The following KCNK2 variants were observed in gnomAD, a reference collection of about 807,000 sequenced individuals.
KCNK2 encodes potassium channel subfamily K member 2.
In KCNK2, 21 loss-of-function variants were observed where a neutral mutation model predicts 40.5. The ratio of observed to expected loss-of-function variants is 0.52; its 90% CI spans 0.37 to 0.75. The LOEUF (loss-of-function observed/expected upper bound fraction) is 0.75, where lower values mean the gene tolerates loss of function less well. Among genes scored for constraint, KCNK2 ranks in the 30% least tolerant of loss-of-function variants. The pLI is 0.00. For synonymous variants in KCNK2, 191 were observed against 202.2 expected, an observed-to-expected ratio of 0.94 and a Z score of 0.47; for missense variants, 399 against 531.6, an observed-to-expected ratio of 0.75 and a Z score of 2.45.
chr1:215,090,771 G>A lies in KCNK2; in HGVS notation c.357+4093G>A, dbSNP rs116140767. ...CCCCACTCCTTCTTGAGCTAGGTTG[G>A]GAAGATATTCTATCTGTTTTGTGGT... On this transcript the variant is annotated intron_variant, in intron 2 of 6. Coordinates refer to ENST00000444842, the MANE Select transcript of KCNK2 (RefSeq NM_001017425.3). Among the ~76,000 whole-genome samples, 1,115 of 152,216 alleles carry A rather than the reference G, an allele frequency of 7.3e-3. 14 individuals are homozygous for A. Among genetic ancestry groups the A allele is most frequent in the African/African-American group, 0.026 (1,063 of 41,530 alleles).
chr1:215,138,629 G>A (rs545835195), intron 3 of KCNK2, among the ~76,000 whole-genome samples: 3 of 152,194 alleles, frequency 2.0e-5, no homozygotes, highest in South Asian at 4.2e-4. Context: ...TGGCTACAGT[G>A]AGCCATAATC....
chr1:215,152,278 A>AC (rs1662718889), intron 3 of KCNK2, among the ~76,000 whole-genome samples: 1 of 152,118 alleles, frequency 6.6e-6, no homozygotes, highest in African/African-American at 2.4e-5. Context: ...GGAGGTAGAG[A>AC]AAATGAGACA....
At chr1:215,125,442 T>C (rs1661374429) in intron 3 of KCNK2, among the ~76,000 whole-genome samples, 2 of 152,088 alleles carry the variant, frequency 1.3e-5, no homozygotes, top group East Asian at 1.9e-4. Context: ...AATGGGTACA[T>C]GTAAATGTCC....
chr1:215,196,807 C>G (rs902457787), intron 6 of KCNK2, among the ~76,000 whole-genome samples: 1 of 151,916 alleles, frequency 6.6e-6, no homozygotes, highest in Non-Finnish European at 1.5e-5. Flanking sequence ...GAAATTGTAG[C>G]TAGGGAATGT....
intron 1 of KCNK2, among the ~76,000 whole-genome samples, chr1:215,076,463 A>T (rs1658931005): frequency 6.6e-6 from 1 of 151,828 alleles, no homozygotes; most frequent in East Asian, 1.9e-4. Context: ...CTGGAGAAGG[A>T]CCTGCTTTCA....
At chr1:215,061,994 A>G (rs1658377597) in intron 1 of KCNK2, among the ~76,000 whole-genome samples, 1 of 152,182 alleles carries the variant, frequency 6.6e-6, no homozygotes, top group African/African-American at 2.4e-5. Flanking sequence ...TCTAAATTCT[A>G]AAAATTATTA....
At chr1:215,189,594 A>G (rs1001774592) in intron 5 of KCNK2, among the ~76,000 whole-genome samples, 1 of 152,198 alleles carries the variant, frequency 6.6e-6, no homozygotes, top group Non-Finnish European at 1.5e-5. Flanking sequence ...ATCCCCAAAT[A>G]TAAGTTCAAA....
At chr1:215,065,480 C>T (rs1005712740) in intron 1 of KCNK2, among the ~76,000 whole-genome samples, 3 of 152,044 alleles carry the variant, frequency 2.0e-5, no homozygotes, top group Non-Finnish European at 4.4e-5. Context: ...TTTATTGGAG[C>T]ATTTAGGACC....
intron 3 of KCNK2, among the ~76,000 whole-genome samples, chr1:215,129,021 C>T (rs1474208323): frequency 6.6e-6 from 1 of 152,068 alleles, no homozygotes; most frequent in Non-Finnish European, 1.5e-5. Flanking sequence ...ATTGCAGTGA[C>T]CCAGGGAAGG....
intron 1 of KCNK2, among the ~76,000 whole-genome samples, chr1:215,085,088 C>T (rs1365575713): frequency 6.6e-6 from 1 of 152,220 alleles, no homozygotes; most frequent in Admixed American, 6.5e-5. Flanking sequence ...TTATTAGCTT[C>T]TCATACTGAA....
At chr1:215,200,742 G>A (rs928475372) in intron 6 of KCNK2, among the ~76,000 whole-genome samples, 1 of 152,066 alleles carries the variant, frequency 6.6e-6, no homozygotes, top group Non-Finnish European at 1.5e-5. Context: ...ACATATTTGG[G>A]GGATAAAAGG....
chr1:215,150,100 A>G (rs183990218), intron 3 of KCNK2, among the ~76,000 whole-genome samples: 5 of 152,326 alleles, frequency 3.3e-5, no homozygotes, highest in African/African-American at 1.2e-4. Context: ...CCCTGCATGC[A>G]GGAGGGGTTC....
At chr1:215,116,336 T>A (rs1027392385) in intron 2 of KCNK2, among the ~76,000 whole-genome samples, 47 of 152,060 alleles carry the variant, frequency 3.1e-4, no homozygotes, top group Non-Finnish European at 1.6e-4. Flanking sequence ...ATTTTTTTTC[T>A]TTAGTATTAT....
At position 215,086,370 on chromosome 1, in the gene KCNK2, G is replaced by A; in HGVS notation, c.49G>A (p.Ala17Thr). ...RERPGYRAGV[A>T]APDLLDPKSA... ...CCCTCATTCTCTGTTGTTGTCAGTG[G>A]CGGCACCTGACTTGCTGGATCCTAA... The change falls in exon 2 of 7, where the codon GCG (alanine) becomes ACG (threonine). Residue 17 changes from alanine to threonine, a missense_variant and splice_region_variant. Around this residue, in one of 3 missense-constraint regions of KCNK2, gnomAD observed 279 missense variants for 353.8 expected, o/e 0.79. Transcript: ENST00000444842. 1 of 1,613,294 alleles carries A rather than the reference G, an allele frequency of 6.2e-7. No individual in the cohort carries two copies. Among genetic ancestry groups the A allele is most frequent in the Non-Finnish European group, 8.5e-7 (1 of 1,179,474 alleles).
intron 1 of KCNK2, among the ~76,000 whole-genome samples, chr1:215,076,081 C>T (rs768366820): frequency 1.3e-5 from 2 of 152,182 alleles, no homozygotes; most frequent in Non-Finnish European, 2.9e-5. Context: ...TTTACCTCTT[C>T]GCTCCCTTTT....
chr1:215,185,612 A>G (rs1664402411), intron 5 of KCNK2, among the ~76,000 whole-genome samples: 1 of 152,200 alleles, frequency 6.6e-6, no homozygotes, highest in Non-Finnish European at 1.5e-5. Flanking sequence ...GGAAATATCA[A>G]TTATTTACTG....
intron 6 of KCNK2, among the ~76,000 whole-genome samples, chr1:215,201,072 T>C (rs1339699980): frequency 2.6e-5 from 4 of 152,096 alleles, no homozygotes; most frequent in Admixed American, 2.6e-4. Context: ...AGTTAGTCAA[T>C]AGTGGAGGTA....
chr1:215,169,103 G>T, intron 3 of KCNK2, 96 bp from the exon 4 acceptor site: 1 of 858,666 alleles, frequency 1.2e-6, no homozygotes, highest in South Asian at 2.0e-5. Flanking sequence ...ATCAATTATT[G>T]ATATCTTGCA....
intron 1 of KCNK2, among the ~76,000 whole-genome samples, chr1:215,038,977 T>A (rs1657475497): frequency 6.6e-6 from 1 of 151,902 alleles, no homozygotes; most frequent in Non-Finnish European, 1.5e-5. Context: ...GAAGCAATTA[T>A]GCTATGAAAA....
Sources: allele counts gnomAD v4.1 joint callset (sites outside exome capture counted in the v4.1 genomes callset), GRCh38; gene constraint gnomAD v4.1.1; regional missense constraint gnomAD v4.1.1; transcripts MANE v1.5; gene names NCBI Gene and HGNC (gene_info 2026-07-23, HGNC 2026-07-21).